The following ADGRL3 variants were observed in gnomAD, a reference collection of about 807,000 sequenced individuals.
The protein encoded by ADGRL3 is adhesion G protein-coupled receptor L3, also known as calcium-independent alpha-latrotoxin receptor 3.
Under a neutral mutation model 153.5 loss-of-function variants are expected in ADGRL3, and 62 were observed. The observed-to-expected ratio is 0.40, with a 90% CI of 0.33 to 0.50. The LOEUF (loss-of-function observed/expected upper bound fraction) is 0.50. Among genes scored for constraint, ADGRL3 ranks in the 20% least tolerant of loss-of-function variants. The probability of loss-of-function intolerance (pLI) is 0.47; values close to 1 mark genes in which losing one functional copy is unlikely to be tolerated. For missense variants in ADGRL3, 1,641 were observed against 1,859.4 expected, an observed-to-expected ratio of 0.88 and a Z score of 2.16; for synonymous variants, 710 against 672.5, an observed-to-expected ratio of 1.06 and a Z score of -0.86.
intron 8 of ADGRL3, among the ~76,000 whole-genome samples, chr4:61,805,714 A>G (rs2097546173): frequency 6.6e-6 from 1 of 152,108 alleles, no homozygotes; most frequent in Non-Finnish European, 1.5e-5. Flanking sequence ...ATTGCCCCCT[A>G]CCTAATAATT....
At chr4:61,698,078 C>A (rs1192649447) in intron 6 of ADGRL3, among the ~76,000 whole-genome samples, 1 of 152,042 alleles carries the variant, frequency 6.6e-6, no homozygotes, top group Non-Finnish European at 1.5e-5. Flanking sequence ...TCTTCCTTTG[C>A]GGCACCAATA....
rs1455597864 is a variant in ADGRL3, at chr4:61,369,553, G to A, written c.-239-13571G>A. Among the ~76,000 whole-genome samples, 28 of 152,032 alleles carry A rather than the reference G, an allele frequency of 1.8e-4. No homozygotes were observed. In the East Asian group the frequency reaches 4.7e-3, roughly 25 times the overall value. On this transcript the variant is annotated intron_variant, in intron 1 of 26. Coordinates refer to ENST00000683033, the MANE Select transcript of ADGRL3 (RefSeq NM_001387552.1). ...ACATTTATTGATTTGCGTATATTGA[G>A]CCAGCCTTGCATCCCAGGGATGAAG...
chr4:61,939,496 G>A (rs1286804081), intron 15 of ADGRL3, among the ~76,000 whole-genome samples: 1 of 144,892 alleles, frequency 6.9e-6, no homozygotes, highest in Non-Finnish European at 1.5e-5. Flanking sequence ...TTGAGACGGA[G>A]TCTCACTCTG....
At chr4:61,209,095 A>G (rs1326959551) in intron 1 of ADGRL3, among the ~76,000 whole-genome samples, 4 of 152,178 alleles carry the variant, frequency 2.6e-5, no homozygotes, top group African/African-American at 9.7e-5. Context: ...GGTATATTCT[A>G]TGGCTAATTT....
At chr4:61,890,534 G>A (rs1208471575) in intron 9 of ADGRL3, among the ~76,000 whole-genome samples, 2 of 151,974 alleles carry the variant, frequency 1.3e-5, no homozygotes, top group Admixed American at 6.6e-5. Flanking sequence ...AGGGGGAGGG[G>A]CGGGGACAGG....
Position 61,693,773 on chromosome 4 carries a change from G to T in ADGRL3, c.583+16838G>T, listed in dbSNP as rs183167219. 3.9e-5 allele frequency among the ~76,000 whole-genome samples: 6 copies of T among 152,272 alleles called. No individual in the cohort carries two copies. The East Asian group carries it at 1.2e-3, about 29-fold the overall frequency. On this transcript the variant is annotated intron_variant, in intron 6 of 26. Coordinates refer to ENST00000683033, the MANE Select transcript of ADGRL3 (RefSeq NM_001387552.1). ...TGGCAAGAAAGGACTGGCAGTGTCAGCTTTCTTCAGCTTGATATTAAATAG... is the reference window on the plus strand; with the variant it reads ...TGGCAAGAAAGGACTGGCAGTGTCATCTTTCTTCAGCTTGATATTAAATAG...
intron 8 of ADGRL3, among the ~76,000 whole-genome samples, chr4:61,811,629 G>T (rs899185637): frequency 2.0e-5 from 3 of 152,070 alleles, no homozygotes; most frequent in Non-Finnish European, 4.4e-5. Context: ...GTGAGCTGTG[G>T]TATGTGAATT....
intron 5 of ADGRL3, among the ~76,000 whole-genome samples, chr4:61,606,531 C>T (rs1424767472): frequency 6.6e-6 from 1 of 152,150 alleles, no homozygotes; most frequent in Non-Finnish European, 1.5e-5. Flanking sequence ...CCCTTAAACT[C>T]CTTGTGTCTC....
At chr4:61,807,594 A>G (rs2097565988) in intron 8 of ADGRL3, among the ~76,000 whole-genome samples, 1 of 152,116 alleles carries the variant, frequency 6.6e-6, no homozygotes, top group South Asian at 2.1e-4. Context: ...GTGATTCTTC[A>G]GGCTAAAAGA....
intron 4 of ADGRL3, among the ~76,000 whole-genome samples, chr4:61,541,780 A>G (rs1393379759): frequency 1.3e-5 from 2 of 151,828 alleles, no homozygotes; most frequent in African/African-American, 4.8e-5. Flanking sequence ...ATAATCTGTA[A>G]AGAAAGGCAA....
rs1218585139 is a variant in ADGRL3, at chr4:61,202,891, C to T, written c.-240+1126C>T. Among the ~76,000 whole-genome samples the T allele has an allele frequency of 6.6e-6, 1 of 152,100 alleles. No individual in the cohort carries two copies. Among genetic ancestry groups the T allele is most frequent in the Non-Finnish European group, 1.5e-5 (1 of 68,030 alleles). On this transcript the variant is annotated intron_variant, in intron 1 of 26. Transcript: ENST00000683033. This position sits in a 1 kb window ranked among gnomAD's most constrained non-coding sequence, Gnocchi z 5.0. The stretch of plus-strand genomic sequence containing the variant: ...GGCAGAGAGATATTTGCGGGGATGC[C>T]GGAGCTGATGCTGCTGGAGCTGAGC...
At chr4:61,652,386 G>T (rs1195065357) in intron 5 of ADGRL3, among the ~76,000 whole-genome samples, 1 of 152,038 alleles carries the variant, frequency 6.6e-6, no homozygotes, top group African/African-American at 2.4e-5. Context: ...AAGTTTCTTT[G>T]GATTAATTGA....
intron 5 of ADGRL3, among the ~76,000 whole-genome samples, chr4:61,639,401 T>A (rs1259801513): frequency 6.6e-6 from 1 of 151,926 alleles, no homozygotes; most frequent in African/African-American, 2.4e-5. Flanking sequence ...ATTTGAAAAA[T>A]TTGAAAAAAA....
chr4:61,969,248 A>G (rs993025843), intron 17 of ADGRL3, among the ~76,000 whole-genome samples: 13 of 152,132 alleles, frequency 8.5e-5, no homozygotes, highest in African/African-American at 3.1e-4. Flanking sequence ...TGTATATTCA[A>G]GCTAATTTAA....
chr4:61,277,651 G>A (rs192793129), intron 1 of ADGRL3, among the ~76,000 whole-genome samples: 396 of 152,114 alleles, frequency 2.6e-3, no homozygotes, highest in Non-Finnish European at 4.3e-3. Flanking sequence ...CCAGAGCCAC[G>A]CCTTGCCAGC....
intron 4 of ADGRL3, among the ~76,000 whole-genome samples, chr4:61,553,924 G>T (rs989865095): frequency 3.3e-5 from 5 of 152,054 alleles, no homozygotes; most frequent in East Asian, 3.9e-4. Context: ...CTGGCAATCA[G>T]AATTTACATA....
chr4:61,489,094 A>G (rs2098229281), intron 2 of ADGRL3, among the ~76,000 whole-genome samples: 1 of 152,054 alleles, frequency 6.6e-6, no homozygotes, highest in Non-Finnish European at 1.5e-5. Flanking sequence ...TACTCTTGCC[A>G]GGAAGCTTTA....
chr4:61,668,530 G>A (rs189712664), intron 5 of ADGRL3, among the ~76,000 whole-genome samples: 7 of 152,206 alleles, frequency 4.6e-5, no homozygotes, highest in Non-Finnish European at 8.8e-5. Context: ...GTCACTTGCT[G>A]GATTCAAATT....
intron 1 of ADGRL3, among the ~76,000 whole-genome samples, chr4:61,271,987 T>C (rs1181976215): frequency 6.6e-6 from 1 of 152,086 alleles, no homozygotes. Context: ...ATGTTAAATT[T>C]ACCACTAGAG....
Sources: allele counts gnomAD v4.1 joint callset (sites outside exome capture counted in the v4.1 genomes callset), GRCh38; gene constraint gnomAD v4.1.1; non-coding constraint Gnocchi (gnomAD v3.1); transcripts MANE v1.5; gene names NCBI Gene and HGNC (gene_info 2026-07-23, HGNC 2026-07-21).